The following ERBB4 variants were observed in gnomAD, a reference collection of about 807,000 sequenced individuals.
ERBB4 encodes erb-b2 receptor tyrosine kinase 4.
A neutral mutation model predicts 158.0 loss-of-function variants in ERBB4; 42 were observed. The ratio of observed to expected loss-of-function variants is 0.27; its 90% confidence interval spans 0.21 to 0.34. The LOEUF is 0.34. Among genes scored for constraint, ERBB4 ranks in the 10% least tolerant of loss-of-function variants. The pLI is 1.00. For missense variants in ERBB4, 1,333 were observed against 1,624.1 expected, an observed-to-expected ratio of 0.82 and a Z score of 3.08; for synonymous variants, 583 against 558.7, an observed-to-expected ratio of 1.04 and a Z score of -0.61.
chr2:211,876,164 T>C (rs2078494778), intron 3 of ERBB4, among the ~76,000 whole-genome samples: 1 of 152,126 alleles, frequency 6.6e-6, no homozygotes, highest in African/African-American at 2.4e-5. Context: ...TCAAGAAAAG[T>C]AGTCAAAAAA....
intron 2 of ERBB4, among the ~76,000 whole-genome samples, chr2:212,008,573 T>A (rs2076309571): frequency 1.3e-5 from 2 of 152,098 alleles, no homozygotes. Context: ...ATATAGAGAA[T>A]GAGAAGACAG....
intron 2 of ERBB4, among the ~76,000 whole-genome samples, chr2:212,113,823 A>C (rs1219504236): frequency 6.6e-6 from 1 of 152,164 alleles, no homozygotes; most frequent in Non-Finnish European, 1.5e-5. Flanking sequence ...TATATCATTT[A>C]TTATTAACCA....
chr2:212,087,378 C>A (rs1199832288), intron 2 of ERBB4, among the ~76,000 whole-genome samples: 1 of 152,062 alleles, frequency 6.6e-6, no homozygotes, highest in African/African-American at 2.4e-5. Context: ...CCAATGAACA[C>A]AATTTATAGT....
intron 1 of ERBB4, among the ~76,000 whole-genome samples, chr2:212,198,733 C>CTTTTTTTTTTTTTTTT (rs11448093): frequency 1.0e-5 from 1 of 96,430 alleles, no homozygotes; most frequent in Non-Finnish European, 1.9e-5. Flanking sequence ...TCACCACGCC[C>CTTTTTTTTTTTTTTTT]TTTTTTTTTT....
chr2:212,314,953 T>C (rs2087207831), intron 1 of ERBB4, among the ~76,000 whole-genome samples: 1 of 151,240 alleles, frequency 6.6e-6, no homozygotes, highest in Admixed American at 6.6e-5. Flanking sequence ...TGTGGGAGAA[T>C]TTAAGCTAAT....
At chr2:212,453,102 C>T (rs983862003) in intron 1 of ERBB4, among the ~76,000 whole-genome samples, 3 of 152,126 alleles carry the variant, frequency 2.0e-5, no homozygotes, top group African/African-American at 7.2e-5. Flanking sequence ...AACTAGAAAA[C>T]AGGGATTATA....
chr2:211,389,912 TAAAG>T (rs2062766163), intron 25 of ERBB4, among the ~76,000 whole-genome samples: 2 of 152,212 alleles, frequency 1.3e-5, no homozygotes, highest in Non-Finnish European at 2.9e-5. Flanking sequence ...ATTTTTAAAA[TAAAG>T]CAATCAGGAT....
chr2:211,395,918 T>C (rs1574406610), intron 25 of ERBB4, among the ~76,000 whole-genome samples: 2 of 152,122 alleles, frequency 1.3e-5, no homozygotes, highest in Middle Eastern at 6.8e-3. Flanking sequence ...CTTCACAGCA[T>C]TTATCTCCAG....
At chr2:212,156,780 A>AG (rs2081047993) in intron 1 of ERBB4, among the ~76,000 whole-genome samples, 1 of 152,110 alleles carries the variant, frequency 6.6e-6, no homozygotes, top group African/African-American at 2.4e-5. Context: ...CAGTTGTCCA[A>AG]GACAGAGACA....
intron 4 of ERBB4, among the ~76,000 whole-genome samples, chr2:211,779,993 T>A (rs1320578083): frequency 6.6e-6 from 1 of 152,190 alleles, no homozygotes; most frequent in Non-Finnish European, 1.5e-5. Flanking sequence ...GACCACGCCC[T>A]TATAATTATT....
chr2:212,451,143 C>A (rs2092440138), intron 1 of ERBB4, among the ~76,000 whole-genome samples: 1 of 151,946 alleles, frequency 6.6e-6, no homozygotes. Flanking sequence ...TTATCTCAGT[C>A]CAGTTGGGGA....
Position 212,502,144 on chromosome 2 carries a change from T to A in ERBB4, c.82+36305A>T, listed in dbSNP as rs941532203. Among the ~76,000 whole-genome samples the A allele has an allele frequency of 3.4e-4, 52 of 152,166 alleles. 1 individual carries two copies. Among genetic ancestry groups the A allele is most frequent in the African/African-American group, 1.3e-3 (52 of 41,546 alleles). On this transcript the variant is annotated intron_variant, in intron 1 of 27. Transcript: ENST00000342788. The stretch of plus-strand genomic sequence containing the variant: ...CCAGGACATTAAAGTACAGAGCACA[T>A]TTTTCTCCTTTATTAATGTATAACT...
rs918517439 is a variant in ERBB4, at chr2:212,460,442, T to C, written c.82+78007A>G. On this transcript the variant is annotated intron_variant, in intron 1 of 27. Transcript: ENST00000342788. ...TGAATGGCTTTGACAAAAATGCTGA[T>C]AGTGATACGAATAATAAGGTCCAGG... 2.0e-4 allele frequency among the ~76,000 whole-genome samples: 30 copies of C among 152,146 alleles called. 1 individual carries two copies. Among genetic ancestry groups the C allele is most frequent in the Non-Finnish European group, 1.9e-4 (13 of 68,000 alleles).
chr2:211,879,158 G>C (rs536291618), intron 3 of ERBB4, among the ~76,000 whole-genome samples: 1 of 151,390 alleles, frequency 6.6e-6, no homozygotes, highest in Admixed American at 6.6e-5. Flanking sequence ...GAAAATCCTA[G>C]ACAAAAATGA....
intron 1 of ERBB4, among the ~76,000 whole-genome samples, chr2:212,218,334 G>C (rs1389498008): frequency 6.6e-6 from 1 of 151,242 alleles, no homozygotes; most frequent in African/African-American, 2.4e-5. Flanking sequence ...TAATATATGA[G>C]AAAGATAAAT....
chr2:211,801,961 C>T (rs1295340728), intron 3 of ERBB4, among the ~76,000 whole-genome samples: 1 of 152,038 alleles, frequency 6.6e-6, no homozygotes, highest in Middle Eastern at 3.2e-3. Context: ...ATCAGATTAG[C>T]ATAAAACTGG....
At chr2:211,425,313 A>G (rs952063435) in intron 22 of ERBB4, among the ~76,000 whole-genome samples, 6 of 152,010 alleles carry the variant, frequency 3.9e-5, no homozygotes, top group African/African-American at 1.5e-4. Context: ...TTTTTAGTTT[A>G]TAACAGTTAT....
intron 5 of ERBB4, among the ~76,000 whole-genome samples, chr2:211,729,193 T>C (rs2074359516): frequency 6.6e-6 from 1 of 151,806 alleles, no homozygotes; most frequent in Non-Finnish European, 1.5e-5. Flanking sequence ...ATTTCTGATA[T>C]TATATTCCCT....
Position 211,379,738 on chromosome 2 carries a change from A to G in ERBB4, c.*3877T>C, listed in dbSNP as rs944376465. 1.3e-5 allele frequency: 3 copies of G among 232,070 alleles called. No individual in the cohort carries two copies. The East Asian group carries it at 1.8e-4, about 14-fold the overall frequency. The allele number at this position is 232,070 out of a possible 1,614,324, so 14.4% of individuals were successfully genotyped here. ...CACCTTTTCTATTACCTTATGAACTACATATACTAGTTAAATTATCAACAA... is the reference window on the plus strand; with the variant it reads ...CACCTTTTCTATTACCTTATGAACTGCATATACTAGTTAAATTATCAACAA... On this transcript the variant is annotated 3_prime_UTR_variant, in exon 28 of 28. Coordinates refer to ENST00000342788, the MANE Select transcript of ERBB4 (RefSeq NM_005235.3).
Sources: gnomAD v4.1 joint callset for allele counts (sites outside exome capture counted in the v4.1 genomes callset) on GRCh38, gnomAD v4.1.1 for gene constraint, MANE v1.5 for transcripts, NCBI Gene and HGNC (gene_info 2026-07-23, HGNC 2026-07-21) for gene names.